MIA2: variants seen among roughly 807,000 people sequenced by gnomAD.
MIA2 encodes melanoma inhibitory activity protein 2.
Under a neutral mutation model 167.8 loss-of-function variants are expected in MIA2, and 127 were observed. That is an observed-to-expected ratio of 0.76 (90% CI 0.66 to 0.88). The LOEUF (loss-of-function observed/expected upper bound fraction) is 0.88, where lower values mean the gene tolerates loss of function less well. Ranked by LOEUF, MIA2 falls within the 40% of genes least tolerant of loss-of-function variation. MIA2 has a pLI of 0.00. For synonymous variants in MIA2, 552 were observed against 541.9 expected (o/e 1.02, Z -0.26); for missense variants, 1,690 against 1,624.7 (o/e 1.04, Z -0.69).
chr14:39,237,284 C>G (rs751007338), intron 2 of MIA2: 4 of 510,156 alleles, frequency 7.8e-6, no homozygotes, highest in South Asian at 7.8e-5. Context: ...TGTGTCACCA[C>G]GCCCGGCTAA....
intron 25 of MIA2, among the ~76,000 whole-genome samples, chr14:39,343,785 G>T (rs73279323): frequency 0.018 from 2,753 of 152,168 alleles, 93 homozygotes; most frequent in African/African-American, 0.063. Flanking sequence ...CTTATTATGT[G>T]TATATGTGTA....
At chr14:39,386,137 C>G in intron 23 of MIA2, 1 of 1,321,506 alleles carries the variant, frequency 7.6e-7, no homozygotes, top group Non-Finnish European at 1.1e-6. Flanking sequence ...TGACTCTGAA[C>G]TAGAGTCTGA....
intron 9 of MIA2, among the ~76,000 whole-genome samples, chr14:39,285,450 C>A (rs1480524102): frequency 1.5e-5 from 2 of 136,220 alleles, no homozygotes; most frequent in Admixed American, 7.1e-5. Context: ...TCCTCCCGGA[C>A]GGGGCGGCTG....
Position 39,247,522 on chromosome 14 carries a change from T to G in MIA2, c.948T>G (p.Ser316Arg). 1 of 1,613,978 alleles carries G rather than the reference T, an allele frequency of 6.2e-7. No homozygotes were observed. The highest frequency in any genetic ancestry group is 8.5e-7 in the Non-Finnish European group (1 of 1,179,996). ...GTTGGTTTGGTGGAGGATTTACAAG[T>G]TATTTAGGTTTTGGAGATGAGGATA... ...STGWFGGGFT[S>R]YLGFGDEDTG... is the part of the protein sequence containing the mutation. The change falls in exon 4 of 29, where the codon AGT (serine) becomes AGG (arginine). Residue 316 changes from serine to arginine, a missense_variant. By Grantham distance (110) the Ser-to-Arg change is moderately radical. Transcript: ENST00000640607.
chr14:39,253,878 T>A (rs1014438686), intron 6 of MIA2, among the ~76,000 whole-genome samples: 6 of 152,218 alleles, frequency 3.9e-5, no homozygotes, highest in African/African-American at 1.4e-4. Flanking sequence ...AGAGATCTTT[T>A]ACAAATGTTC....
chr14:39,310,819 TATGG>T (rs2064112743), intron 18 of MIA2, among the ~76,000 whole-genome samples: 1 of 151,420 alleles, frequency 6.6e-6, no homozygotes, highest in African/African-American at 2.5e-5. Flanking sequence ...TGTTATTTGT[TATGG>T]CCCTTTGGCC....
chr14:39,285,214 A>G (rs1392411781), intron 9 of MIA2, among the ~76,000 whole-genome samples: 2 of 152,164 alleles, frequency 1.3e-5, no homozygotes, highest in South Asian at 2.1e-4. Flanking sequence ...CCCCTTTTCT[A>G]TTCCACAAAA....
chr14:39,290,942 G>A, intron 9 of MIA2, 77 bp from the exon 10 acceptor site: 1 of 1,273,836 alleles, frequency 7.9e-7, no homozygotes, highest in Non-Finnish European at 1.1e-6. Context: ...GATTCTGTCT[G>A]CTTCTTAGGC....
chr14:39,280,807 A>G (rs972098934), intron 9 of MIA2, among the ~76,000 whole-genome samples: 4 of 151,746 alleles, frequency 2.6e-5, no homozygotes, highest in Non-Finnish European at 5.9e-5. Context: ...TTTGGCTCTC[A>G]GCAGTGTTAC....
At chr14:39,267,125 G>C in intron 6 of MIA2, 1 of 1,138,744 alleles carries the variant, frequency 8.8e-7, no homozygotes, top group Non-Finnish European at 1.1e-6. Context: ...GGCTGTCCGC[G>C]CCTCCCCGCC....
chr14:39,262,211 C>T (rs1486225494), intron 6 of MIA2, among the ~76,000 whole-genome samples: 1 of 152,166 alleles, frequency 6.6e-6, no homozygotes. Flanking sequence ...CTACATATGG[C>T]TAGCCAGTTA....
chr14:39,330,301 G>T (rs113145013), intron 25 of MIA2, among the ~76,000 whole-genome samples: 1 of 152,106 alleles, frequency 6.6e-6, no homozygotes, highest in Non-Finnish European at 1.5e-5. Context: ...ATTTCTGTGG[G>T]ATCAGTGGTG....
intron 6 of MIA2, chr14:39,267,097 G>A (rs976425772): frequency 5.4e-6 from 6 of 1,108,808 alleles, no homozygotes; most frequent in East Asian, 1.4e-4. Context: ...AAGCTTGCGC[G>A]AAGAAGGGGA....
intron 3 of MIA2, among the ~76,000 whole-genome samples, chr14:39,246,589 A>G (rs916165694): frequency 7.2e-5 from 11 of 152,100 alleles, no homozygotes; most frequent in African/African-American, 2.7e-4. Flanking sequence ...AGTAACAGCT[A>G]CTTGGGAGGC....
chr14:39,363,564 C>T (rs1010128557), intron 23 of MIA2, among the ~76,000 whole-genome samples: 1 of 152,106 alleles, frequency 6.6e-6, no homozygotes, highest in Non-Finnish European at 1.5e-5. Flanking sequence ...TGTTAATTTT[C>T]TGTCTGGATG....
intron 9 of MIA2, among the ~76,000 whole-genome samples, chr14:39,288,713 G>A (rs1449117592): frequency 2.3e-4 from 34 of 151,028 alleles, no homozygotes; most frequent in Non-Finnish European, 1.5e-5. Context: ...TGTCCGCCTC[G>A]GCCTCCCAAA....
At chr14:39,366,031 T>G (rs758648880) in intron 23 of MIA2, among the ~76,000 whole-genome samples, 2 of 152,218 alleles carry the variant, frequency 1.3e-5, no homozygotes, top group Non-Finnish European at 2.9e-5. Context: ...TAGGGCACTT[T>G]AGCTTTGATT....
intron 11 of MIA2, 119 bp from the exon 12 acceptor site, chr14:39,293,881 T>G (rs1022890630): frequency 2.7e-6 from 2 of 743,946 alleles, no homozygotes; most frequent in African/African-American, 3.7e-5. Context: ...CTGAGAAGGT[T>G]TCTTAATTTG....
Position 39,252,814 on chromosome 14 carries a change from C to A in MIA2, c.1634C>A (p.Ser545Tyr). 1.2e-6 allele frequency: 2 copies of A among 1,613,942 alleles called. No homozygotes were observed. Among genetic ancestry groups the A allele is most frequent in the Non-Finnish European group, 1.7e-6 (2 of 1,179,896 alleles). ...GAAGTATATTTTGAACCCTCATCTT[C>A]TAAAGATAGTGATGAAAATTCGAAA... Reference protein sequence around the residue: ...HEEVYFEPSSSKDSDENSKPS... With the variant: ...HEEVYFEPSSYKDSDENSKPS... Residue 545 changes from serine to tyrosine, a missense_variant, in exon 5 of 29, where the codon TCT (serine) becomes TAT (tyrosine). Physicochemically the swap from Ser to Tyr is moderately radical, Grantham distance 144 (BLOSUM62 -2). Coordinates refer to ENST00000640607, the MANE Select transcript of MIA2 (RefSeq NM_001329214.4).
Sources: allele counts gnomAD v4.1 joint callset (sites outside exome capture counted in the v4.1 genomes callset), GRCh38; gene constraint gnomAD v4.1.1; transcripts MANE v1.5; gene names NCBI Gene and HGNC (gene_info 2026-07-23, HGNC 2026-07-21).